The following RABGAP1 variants were observed in gnomAD, a reference collection of about 807,000 sequenced individuals.
RABGAP1 encodes the protein rab GTPase-activating protein 1.
Under a neutral mutation model 137.6 loss-of-function variants are expected in RABGAP1, and 23 were observed. That is an observed-to-expected ratio of 0.17 (90% CI 0.12 to 0.24). The LOEUF is 0.24. RABGAP1 is among the 10% of genes least tolerant of loss of function. The probability of loss-of-function intolerance (pLI) is 1.00; values close to 1 mark genes in which losing one functional copy is unlikely to be tolerated. For synonymous variants in RABGAP1, 451 were observed against 450.7 expected, an observed-to-expected ratio of 1.00 and a Z score of -0.01; for missense variants, 906 against 1,275.8, an observed-to-expected ratio of 0.71 and a Z score of 4.42.
chr9:123,034,798 GT>G, intron 13 of RABGAP1: 1 of 1,613,856 alleles, frequency 6.2e-7, no homozygotes, highest in Admixed American at 1.7e-5. Flanking sequence ...TGACCTTTTT[GT>G]TGGGGTGAGC....
At chr9:123,097,265 A>G (rs2035212741) in intron 21 of RABGAP1, among the ~76,000 whole-genome samples, 1 of 152,248 alleles carries the variant, frequency 6.6e-6, no homozygotes, top group Non-Finnish European at 1.5e-5. Flanking sequence ...CTCCTTTATC[A>G]GGTAATAACA....
chr9:123,027,240 C>T (rs563738196), intron 13 of RABGAP1, among the ~76,000 whole-genome samples: 161 of 152,108 alleles, frequency 1.1e-3, no homozygotes, highest in African/African-American at 3.1e-3. Context: ...CACAGCCTCC[C>T]GAGTAGCTGG....
intron 2 of RABGAP1, among the ~76,000 whole-genome samples, chr9:122,973,031 C>T (rs1377175949): frequency 6.7e-6 from 1 of 149,564 alleles, no homozygotes; most frequent in Admixed American, 6.7e-5. Context: ...CCTAGTCATC[C>T]ATAAGCAGGT....
At chr9:122,944,892 A>C (rs546126885) in intron 1 of RABGAP1, among the ~76,000 whole-genome samples, 1 of 152,114 alleles carries the variant, frequency 6.6e-6, no homozygotes, top group Admixed American at 6.5e-5. Context: ...AATCTTTCTT[A>C]GCAAGACTAT....
chr9:123,006,663 A>G (rs919987451), intron 10 of RABGAP1, among the ~76,000 whole-genome samples: 7 of 152,148 alleles, frequency 4.6e-5, no homozygotes, highest in Non-Finnish European at 8.8e-5. Flanking sequence ...GCTAGAGTGC[A>G]ATGGTGCGAT....
chr9:123,065,197 T>A, intron 13 of RABGAP1, 151 bp from the exon 14 acceptor site: 1 of 590,258 alleles, frequency 1.7e-6, no homozygotes, highest in Admixed American at 3.1e-5. Context: ...GAGTGGTTGG[T>A]CCCTGAAGAG....
chr9:123,037,672 CTT>C (rs2032733341), intron 13 of RABGAP1, among the ~76,000 whole-genome samples: 1 of 152,124 alleles, frequency 6.6e-6, no homozygotes, highest in Non-Finnish European at 1.5e-5. Flanking sequence ...ATTTTAAACA[CTT>C]AATTTTTGTT....
chr9:122,942,323 A>G (rs945241064), intron 1 of RABGAP1, among the ~76,000 whole-genome samples: 3 of 152,222 alleles, frequency 2.0e-5, no homozygotes, highest in East Asian at 1.9e-4. Flanking sequence ...CCTTAGTTCA[A>G]GTTTGTATAA....
At chr9:123,085,369 G>A (rs1490917891) in intron 19 of RABGAP1, among the ~76,000 whole-genome samples, 1 of 152,198 alleles carries the variant, frequency 6.6e-6, no homozygotes, top group African/African-American at 2.4e-5. Context: ...GCTCTCAGGA[G>A]ACTTTCAAAG....
intron 12 of RABGAP1, among the ~76,000 whole-genome samples, chr9:123,019,963 C>T (rs914733948): frequency 5.9e-5 from 9 of 151,958 alleles, no homozygotes; most frequent in African/African-American, 1.7e-4. Context: ...GGATTACAGG[C>T]GTGAGCCACC....
At chr9:122,969,264 A>G (rs183253027) in intron 2 of RABGAP1, among the ~76,000 whole-genome samples, 3 of 152,332 alleles carry the variant, frequency 2.0e-5, no homozygotes, top group East Asian at 3.9e-4. Context: ...GCCTAGTTGT[A>G]TAGTGGGCTA....
intron 2 of RABGAP1, among the ~76,000 whole-genome samples, chr9:122,962,546 C>T: frequency 6.6e-6 from 1 of 151,698 alleles, no homozygotes; most frequent in East Asian, 1.9e-4. Context: ...AAAAATAGTA[C>T]ATTGTAAGTT....
chr9:122,989,840 A>C, intron 5 of RABGAP1: 1 of 539,530 alleles, frequency 1.9e-6, no homozygotes, highest in Middle Eastern at 4.9e-4. Context: ...TTTAAATTGG[A>C]TTTATAGTGC....
chr9:123,010,643 T>A (rs967007490), intron 11 of RABGAP1, 115 bp downstream of exon 11: 16 of 1,028,036 alleles, frequency 1.6e-5, no homozygotes, highest in Non-Finnish European at 2.1e-5. Context: ...TTTAATGAAT[T>A]CCTTATGAGA....
chr9:123,095,226 CAAAAAAAAAA>C lies in RABGAP1; in HGVS notation c.2629-2499_2629-2490del, dbSNP rs55675466. ...TGGGTGACAGAGTGAAACCTTGTCC[CAAAAAAAAAA>C]AAAAAAAAAAAAAAAGCCAGCTTTT... is the stretch of plus-strand genomic sequence containing the variant. On this transcript the variant is annotated intron_variant, in intron 21 of 25. Coordinates refer to ENST00000373647, the MANE Select transcript of RABGAP1 (RefSeq NM_012197.4). Among the ~76,000 whole-genome samples the C allele has an allele frequency of 6.5e-5, 4 of 61,254 alleles. No homozygotes were observed. The Admixed American group carries it at 6.6e-4, about 10-fold the overall frequency. 40.2% of individuals were successfully genotyped at this position (61,254 alleles called of 152,430 possible).
At chr9:122,958,915 G>A (rs1188754922) in intron 2 of RABGAP1, among the ~76,000 whole-genome samples, 2 of 152,008 alleles carry the variant, frequency 1.3e-5, no homozygotes, top group African/African-American at 4.8e-5. Flanking sequence ...AGGCTTAAGT[G>A]GGAGGATTGA....
At chr9:122,963,533 G>A (rs1244676355) in intron 2 of RABGAP1, among the ~76,000 whole-genome samples, 3 of 150,194 alleles carry the variant, frequency 2.0e-5, no homozygotes, top group African/African-American at 4.9e-5. Flanking sequence ...ATAAAAAGTC[G>A]AAGAAAAAAA....
Position 123,073,630 on chromosome 9 carries a change from T to C in RABGAP1, c.2062T>C (p.Phe688Leu). 6.2e-7 allele frequency: 1 copy of C among 1,613,928 alleles called. No individual in the cohort carries two copies. Among genetic ancestry groups the C allele is most frequent in the Non-Finnish European group, 8.5e-7 (1 of 1,179,838 alleles). The change falls in exon 16 of 26, where the codon TTC becomes CTC. Residue 688 changes from phenylalanine (F) to leucine (L), a missense_variant. Around this residue, in one of 9 missense-constraint regions of RABGAP1, gnomAD observed 25 missense variants for 31.7 expected, o/e 0.79. Coordinates refer to ENST00000373647, the MANE Select transcript of RABGAP1 (RefSeq NM_012197.4). ...GCTCAGGGAACTTTTCAAGCAAAAC[T>C]TCGAAGATTTGCATTGCAAATTTTA... is the stretch of plus-strand genomic sequence containing the variant. ...YGLRELFKQN[F>L]EDLHCKFYQL...
intron 13 of RABGAP1, among the ~76,000 whole-genome samples, chr9:123,056,633 C>T (rs866905139): frequency 1.9e-4 from 29 of 151,520 alleles, no homozygotes; most frequent in Middle Eastern, 3.4e-3. Flanking sequence ...TGCGGCCTTC[C>T]GCAGTGTTTG....
Sources: gnomAD v4.1 joint callset for allele counts (sites outside exome capture counted in the v4.1 genomes callset) on GRCh38, gnomAD v4.1.1 for gene constraint, gnomAD v4.1.1 regional missense constraint, MANE v1.5 for transcripts, NCBI Gene and HGNC (gene_info 2026-07-23, HGNC 2026-07-21) for gene names.